The following UPP2 variants were observed in gnomAD, a reference collection of about 807,000 sequenced individuals.
UPP2 encodes uridine phosphorylase 2, also known as UPase 2.
A neutral mutation model predicts 26.7 loss-of-function variants in UPP2; 23 were observed. The ratio of observed to expected loss-of-function variants is 0.86; its 90% confidence interval spans 0.62 to 1.22. The LOEUF (loss-of-function observed/expected upper bound fraction) is 1.22. Ranked by LOEUF, UPP2 falls within the 50% of genes most tolerant of loss-of-function variation. The pLI, the probability that UPP2 is intolerant of heterozygous loss-of-function variation, is 0.00. For synonymous variants in UPP2, 127 were observed against 141.3 expected, an observed-to-expected ratio of 0.90 and a Z score of 0.72; for missense variants, 387 against 396.7, an observed-to-expected ratio of 0.98 and a Z score of 0.21.
At chr2:158,029,131 C>T (rs973578609) in intron 3 of UPP2, among the ~76,000 whole-genome samples, 1 of 152,298 alleles carries the variant, frequency 6.6e-6, no homozygotes, top group Middle Eastern at 3.4e-3. Flanking sequence ...CATTGTAAGT[C>T]TGAATGGTTC....
intron 4 of UPP2, among the ~76,000 whole-genome samples, chr2:158,119,418 A>G (rs1056337434): frequency 1.2e-4 from 18 of 151,998 alleles, no homozygotes; most frequent in Non-Finnish European, 1.5e-4. Context: ...TACCAAAAAG[A>G]TGTATTTGCT....
chr2:158,058,901 T>C (rs116212052), intron 3 of UPP2, among the ~76,000 whole-genome samples: 3 of 152,114 alleles, frequency 2.0e-5, no homozygotes, highest in South Asian at 4.1e-4. Context: ...ACAATGCCTA[T>C]GAAAAAGGCA....
intron 3 of UPP2, among the ~76,000 whole-genome samples, chr2:158,025,663 A>T (rs1178315630): frequency 6.6e-6 from 1 of 152,252 alleles, no homozygotes; most frequent in Non-Finnish European, 1.5e-5. Context: ...GTTGGAAAAT[A>T]TAGCAATGGC....
At chr2:158,124,408 T>A (rs1481695024) in intron 6 of UPP2, among the ~76,000 whole-genome samples, 1 of 151,686 alleles carries the variant, frequency 6.6e-6, no homozygotes, top group Non-Finnish European at 1.5e-5. Flanking sequence ...GAGGCAGTGG[T>A]GGAGAATGGG....
At chr2:158,087,115 C>G (rs1388433626) in intron 3 of UPP2, among the ~76,000 whole-genome samples, 1 of 151,956 alleles carries the variant, frequency 6.6e-6, no homozygotes, top group Non-Finnish European at 1.5e-5. Flanking sequence ...AATATGTTGC[C>G]ATCTATATTA....
chr2:158,127,805 C>T (rs1336639920), intron 6 of UPP2, among the ~76,000 whole-genome samples: 2 of 152,192 alleles, frequency 1.3e-5, no homozygotes, highest in African/African-American at 4.8e-5. Context: ...GCTGTTTTAA[C>T]AAAGATTCAG....
intron 3 of UPP2, among the ~76,000 whole-genome samples, chr2:158,068,802 ATTTTTTTTTTTTTTTT>A (rs70990633): frequency 1.1e-4 from 2 of 18,898 alleles, no homozygotes; most frequent in African/African-American, 2.3e-4. Flanking sequence ...ATATATATAT[ATTTTTTTTTTTTTTTT>A]TTTTTTTTTT....
rs534740937 is a variant in UPP2 at position 158,134,608 on chromosome 2, G to T, written c.812-140G>T. On this transcript the variant is annotated intron_variant, in intron 6 of 6. Transcript: ENST00000005756. ...AAAATATTGAAGACCAGAAGGTTCA[G>T]TAGGTTGCATCTACATTACAACAAC... The T allele has an allele frequency of 2.9e-5, 29 of 995,520 alleles. No individual in the cohort carries two copies. In the East Asian group the frequency reaches 7.3e-4, roughly 25 times the overall value. The allele number at this position is 995,520 out of a possible 1,614,324, so 61.7% of individuals were successfully genotyped here.
chr2:158,058,385 T>C (rs1682291645), intron 3 of UPP2, among the ~76,000 whole-genome samples: 2 of 10,454 alleles, frequency 1.9e-4, no homozygotes, highest in African/African-American at 3.8e-3. Flanking sequence ...TCTCTCTCTC[T>C]CTCTCTCTCT....
chr2:158,040,851 G>A (rs1215009749), intron 3 of UPP2, among the ~76,000 whole-genome samples: 2 of 152,160 alleles, frequency 1.3e-5, no homozygotes, highest in Non-Finnish European at 2.9e-5. Context: ...GATCTGGGTT[G>A]GAATGTAACT....
chr2:158,009,533 C>T (rs1683544226), intron 2 of UPP2, among the ~76,000 whole-genome samples: 1 of 152,212 alleles, frequency 6.6e-6, no homozygotes, highest in Non-Finnish European at 1.5e-5. Flanking sequence ...TGAAATATGG[C>T]TTTTAAGAAC....
At chr2:158,006,933 T>C (rs1306504457) in intron 2 of UPP2, among the ~76,000 whole-genome samples, 1 of 152,222 alleles carries the variant, frequency 6.6e-6, no homozygotes, top group Non-Finnish European at 1.5e-5. Context: ...CAAGATTTTG[T>C]GTACCAGAAG....
chr2:158,044,614 T>C (rs1684125538), intron 3 of UPP2, among the ~76,000 whole-genome samples: 1 of 152,170 alleles, frequency 6.6e-6, no homozygotes, highest in Non-Finnish European at 1.5e-5. Context: ...GTATACACAT[T>C]GTGGAATATA....
chr2:158,082,038 C>A (rs1326703501), intron 3 of UPP2, among the ~76,000 whole-genome samples: 1 of 151,710 alleles, frequency 6.6e-6, no homozygotes, highest in Non-Finnish European at 1.5e-5. Context: ...ACCTCCACCT[C>A]CTGGGTTCAA....
chr2:158,080,330 A>C (rs1682702893), intron 3 of UPP2, among the ~76,000 whole-genome samples: 1 of 152,110 alleles, frequency 6.6e-6, no homozygotes, highest in Non-Finnish European at 1.5e-5. Flanking sequence ...TTGCTGGCCC[A>C]ATGATACATG....
chr2:158,033,336 A>G (rs1683952954), intron 3 of UPP2, among the ~76,000 whole-genome samples: 1 of 152,100 alleles, frequency 6.6e-6, no homozygotes, highest in South Asian at 2.1e-4. Flanking sequence ...AGGCTTACAG[A>G]TGCTCTCACA....
chr2:158,027,403 C>T (rs183318311), intron 3 of UPP2, among the ~76,000 whole-genome samples: 154 of 152,266 alleles, frequency 1.0e-3, no homozygotes, highest in Admixed American at 1.8e-3. Flanking sequence ...AATTTTAAAG[C>T]GCCAAAATGA....
rs7561584 is a variant in UPP2, at chr2:158,115,152, A to C, written c.232A>C (p.Met78Leu). The C allele has an allele frequency of 1.2e-3, 1,858 of 1,613,812 alleles. 10 individuals carry two copies. The African/African-American group carries it at 0.017, about 15-fold the overall frequency. ...PNRMKAFALF[M>L]HKELGFEEAE... is the part of the protein sequence containing the mutation. Reference sequence around the variant, plus strand: ...CAGAATGAAAGCATTTGCACTGTTTATGCACAAGGAGCTCGGGTTTGAGGA... The same window carrying C: ...CAGAATGAAAGCATTTGCACTGTTTCTGCACAAGGAGCTCGGGTTTGAGGA... The change falls in exon 3 of 7, where the codon ATG becomes CTG. Residue 78 changes from methionine to leucine, a missense_variant. Coordinates refer to ENST00000005756, the MANE Select transcript of UPP2 (RefSeq NM_173355.4).
chr2:158,018,245 T>G, intron 3 of UPP2, among the ~76,000 whole-genome samples: 1 of 152,242 alleles, frequency 6.6e-6, no homozygotes, highest in Non-Finnish European at 1.5e-5. Context: ...AAATAGCTAC[T>G]TGCAAAAATA....
Sources: gnomAD v4.1 joint callset for allele counts (sites outside exome capture counted in the v4.1 genomes callset) on GRCh38, gnomAD v4.1.1 for gene constraint, MANE v1.5 for transcripts, NCBI Gene and HGNC (gene_info 2026-07-23, HGNC 2026-07-21) for gene names.